SNX27: variants seen among roughly 807,000 people sequenced by gnomAD.
SNX27 encodes the protein sorting nexin-27.
Under a neutral mutation model 71.6 loss-of-function variants are expected in SNX27, and 22 were observed. The observed-to-expected ratio is 0.31, with a 90% confidence interval of 0.22 to 0.44. The LOEUF is 0.44. Ranked by LOEUF, SNX27 falls within the 20% of genes least tolerant of loss-of-function variation. The probability of loss-of-function intolerance (pLI) is 1.00; values close to 1 mark genes in which losing one functional copy is unlikely to be tolerated. For missense variants in SNX27, 531 were observed against 698.6 expected (o/e 0.76, Z 2.70); for synonymous variants, 269 against 277.2 (o/e 0.97, Z 0.29).
intron 1 of SNX27, among the ~76,000 whole-genome samples, chr1:151,622,747 T>C (rs1282127501): frequency 6.6e-6 from 1 of 152,084 alleles, no homozygotes; most frequent in East Asian, 1.9e-4. Context: ...AGGAGGAAAA[T>C]GAGTTACTTT....
At chr1:151,690,948 C>T (rs986151434) in intron 8 of SNX27, among the ~76,000 whole-genome samples, 1 of 152,178 alleles carries the variant, frequency 6.6e-6, no homozygotes, top group Non-Finnish European at 1.5e-5. Context: ...GCCTCTTCCT[C>T]ACTCCTCTGT....
At position 151,693,178 on chromosome 1, in the gene SNX27, G is replaced by A. The variant is rs530862536; in HGVS notation, c.1518+139G>A. On this transcript the variant is annotated intron_variant, in intron 10 of 11. Transcript: ENST00000458013. ...ACCTGTTTGAATCCTGGAGCCCCCA[G>A]ATTCATCCTGTTTTTGCTTTAGGCC... 218 of 1,291,590 alleles carry A rather than the reference G, an allele frequency of 1.7e-4. 1 individual carries two copies. The South Asian group carries it at 3.0e-3, about 18-fold the overall frequency. The allele number at this position is 1,291,590 out of a possible 1,614,324, so 80.0% of individuals were successfully genotyped here.
intron 2 of SNX27, among the ~76,000 whole-genome samples, chr1:151,647,785 AGCTCT>A (rs1669115997): frequency 7.1e-6 from 1 of 140,126 alleles, no homozygotes; most frequent in Non-Finnish European, 1.5e-5. Flanking sequence ...TTTGCTTCAC[AGCTCT>A]TTCCTGTCCC....
intron 7 of SNX27, chr1:151,680,258 G>A (rs1260342433): frequency 1.3e-5 from 2 of 151,280 alleles, no homozygotes; most frequent in East Asian, 3.9e-4. Context: ...CCGGGTTCAA[G>A]TGATTCTCTT....
intron 2 of SNX27, among the ~76,000 whole-genome samples, chr1:151,642,925 C>T (rs1317815704): frequency 6.6e-6 from 1 of 151,942 alleles, no homozygotes; most frequent in Non-Finnish European, 1.5e-5. Flanking sequence ...CAGGCGTGAG[C>T]CACCGCGCCC....
chr1:151,693,840 TGACTG>T, intron 11 of SNX27: 2 of 1,434,364 alleles, frequency 1.4e-6, no homozygotes, highest in Non-Finnish European at 1.8e-6. Flanking sequence ...GTAGCCGTCT[TGACTG>T]GATGAGTCCT....
chr1:151,612,689 C>T lies in SNX27; in HGVS notation c.311+177C>T, dbSNP rs1356300539. 1.3e-5 allele frequency among the ~76,000 whole-genome samples: 2 copies of T among 152,130 alleles called. No homozygotes were observed. The highest frequency in any genetic ancestry group is 2.4e-5 in the African/African-American group (1 of 41,438). Reference sequence around the variant, plus strand: ...TCCTTGTGGGCTGCCCTCCCACCACCCGCCCCGGGGCTTCTGCGACGCCGG... The same window carrying T: ...TCCTTGTGGGCTGCCCTCCCACCACTCGCCCCGGGGCTTCTGCGACGCCGG... On this transcript the variant is annotated intron_variant, in intron 1 of 11. Coordinates refer to ENST00000458013, the MANE Select transcript of SNX27 (RefSeq NM_001330723.2). The surrounding 1 kb of genome is among the most constrained non-coding windows in gnomAD (Gnocchi z 5.2).
intron 7 of SNX27, chr1:151,680,415 C>CA (rs1234544570): frequency 1.3e-5 from 2 of 152,138 alleles, no homozygotes; most frequent in African/African-American, 4.8e-5. Flanking sequence ...CTCCACCTCC[C>CA]AAAATGATGG....
chr1:151,641,301 C>A (rs563964729), intron 2 of SNX27, among the ~76,000 whole-genome samples: 1 of 152,120 alleles, frequency 6.6e-6, no homozygotes, highest in Admixed American at 6.5e-5. Flanking sequence ...GTGGCTATAT[C>A]ATTTTTACAT....
intron 2 of SNX27, among the ~76,000 whole-genome samples, chr1:151,648,475 AAT>A (rs1303283198): frequency 2.0e-5 from 3 of 151,962 alleles, no homozygotes; most frequent in African/African-American, 7.3e-5. Context: ...GCTGGAGTGC[AAT>A]AGCGCGATCT....
intron 6 of SNX27, chr1:151,666,229 A>C: frequency 2.8e-6 from 1 of 361,558 alleles, no homozygotes; most frequent in East Asian, 4.1e-5. Context: ...CTAGCAATGA[A>C]TCGGAAGATG....
At chr1:151,625,841 G>A (rs944834284) in intron 1 of SNX27, among the ~76,000 whole-genome samples, 7 of 151,586 alleles carry the variant, frequency 4.6e-5, no homozygotes, top group East Asian at 1.9e-4. Context: ...CCTGCTGCTC[G>A]GGAGGCTGAG....
rs529460040 is a variant in SNX27, at chr1:151,612,080, G to C, written c.-122G>C. On this transcript the variant is annotated 5_prime_UTR_variant, in exon 1 of 12. Transcript: ENST00000458013. The surrounding 1 kb of genome is among the most constrained non-coding windows in gnomAD (Gnocchi z 5.2). ...GCGCCAGCAGCTCGGTGGCCGAGTC[G>C]GTCCCGCGGCCGGCGGATCGGGCGC... The C allele has an allele frequency of 3.0e-5, 33 of 1,114,434 alleles. No individual in the cohort carries two copies. In the South Asian group the frequency reaches 6.1e-4, roughly 21 times the overall value. 69.0% of individuals were successfully genotyped at this position (1,114,434 alleles called of 1,614,324 possible). A position where few individuals can be genotyped will look rare whatever the true frequency, so the allele number is the denominator to read the frequency against.
chr1:151,681,129 G>T (rs1558071715), intron 7 of SNX27, among the ~76,000 whole-genome samples: 1 of 149,844 alleles, frequency 6.7e-6, no homozygotes, highest in Non-Finnish European at 1.5e-5. Context: ...TCTTTTTCTT[G>T]TACATCTATG....
At position 151,692,980 on chromosome 1, in the gene SNX27, T is replaced by A. The variant is rs1376104793; in HGVS notation, c.1459T>A (p.Cys487Ser). Residue 487 changes from cysteine (C) to serine (S), a missense_variant, in exon 10 of 12, where the codon TGT becomes AGT. Coordinates refer to ENST00000458013, the MANE Select transcript of SNX27 (RefSeq NM_001330723.2). ...WDTDEEGMAF[C>S]FEYARGEKKP... The stretch of plus-strand genomic sequence containing the variant: ...CACAGATGAAGAAGGGATGGCCTTC[T>A]GTTTCGAATATGCACGAGGAGAGAA... 3.1e-6 allele frequency: 5 copies of A among 1,614,080 alleles called. No homozygotes were observed. The African/African-American group carries it at 6.7e-5, about 22-fold the overall frequency.
Position 151,662,226 on chromosome 1 carries a change from A to G in SNX27, c.862A>G (p.Thr288Ala), listed in dbSNP as rs1198073102. The change falls in exon 5 of 12, where the codon ACA (threonine) becomes GCA (alanine). Residue 288 changes from threonine to alanine, a missense_variant. By Grantham distance (58) the Thr-to-Ala change is moderately conservative. Coordinates refer to ENST00000458013, the MANE Select transcript of SNX27 (RefSeq NM_001330723.2). ...AGCATTACCAGATGGAACAACGGTT[A>G]CAGTCAGGGTTAAAAAGAACAGTAC... is the stretch of plus-strand genomic sequence containing the variant. ...RVALPDGTTV[T>A]VRVKKNSTTD... 3 of 1,613,664 alleles carry G rather than the reference A, an allele frequency of 1.9e-6. No homozygotes were observed. Among genetic ancestry groups the G allele is most frequent in the Non-Finnish European group, 1.7e-6 (2 of 1,179,736 alleles).
intron 2 of SNX27, among the ~76,000 whole-genome samples, chr1:151,651,966 G>T (rs1476468961): frequency 6.6e-6 from 1 of 152,176 alleles, no homozygotes; most frequent in African/African-American, 2.4e-5. Context: ...TGGGGAGGCC[G>T]AGGCTGGCGG....
chr1:151,633,580 T>C (rs1668341698), intron 1 of SNX27, among the ~76,000 whole-genome samples: 1 of 152,202 alleles, frequency 6.6e-6, no homozygotes, highest in Non-Finnish European at 1.5e-5. Context: ...ATTACAGGCG[T>C]GACACGTAAG....
intron 4 of SNX27, 55 bp downstream of exon 4, chr1:151,660,917 A>G (rs923136110): frequency 1.5e-6 from 2 of 1,327,940 alleles, no homozygotes; most frequent in Middle Eastern, 1.8e-4. Context: ...TGTGGGGGAA[A>G]ATAAGTTAAA....
Sources: gnomAD v4.1 joint callset for allele counts (sites outside exome capture counted in the v4.1 genomes callset) on GRCh38, gnomAD v4.1.1 for gene constraint, Gnocchi (gnomAD v3.1) non-coding constraint, MANE v1.5 for transcripts, NCBI Gene and HGNC (gene_info 2026-07-23, HGNC 2026-07-21) for gene names.